The following PCNX1 variants were observed in gnomAD, a reference collection of about 807,000 sequenced individuals.
PCNX1 encodes the protein pecanex 1.
In PCNX1, 78 loss-of-function variants were observed where a neutral mutation model predicts 242.2. That is an observed-to-expected ratio of 0.32 (90% CI 0.27 to 0.39). PCNX1 has a LOEUF of 0.39. PCNX1 is among the 10% of genes least tolerant of loss of function. The probability of loss-of-function intolerance (pLI) is 1.00; values close to 1 mark genes in which losing one functional copy is unlikely to be tolerated. For synonymous variants in PCNX1, 1,024 were observed against 1,032.9 expected, an observed-to-expected ratio of 0.99 and a Z score of 0.17; for missense variants, 2,581 against 2,856.5, an observed-to-expected ratio of 0.90 and a Z score of 2.20.
At chr14:71,048,026 A>G (rs371756369) in intron 22 of PCNX1, 42 bp downstream of exon 22, 47 of 1,453,834 alleles carry the variant, frequency 3.2e-5, no homozygotes, top group African/African-American at 1.1e-4. Context: ...TATAAAAACT[A>G]TCTCCCTGGG....
chr14:71,011,808 G>C, intron 10 of PCNX1: 1 of 389,156 alleles, frequency 2.6e-6, no homozygotes. Context: ...TCAATGCTTA[G>C]AGATAGAAAT....
intron 3 of PCNX1, among the ~76,000 whole-genome samples, chr14:70,964,152 C>T (rs1340581147): frequency 6.6e-6 from 1 of 152,128 alleles, no homozygotes; most frequent in African/African-American, 2.4e-5. Context: ...CTGCAACCTC[C>T]ATCTCACAGG....
intron 1 of PCNX1, among the ~76,000 whole-genome samples, chr14:70,914,002 C>T (rs1181105967): frequency 6.6e-6 from 1 of 152,074 alleles, no homozygotes; most frequent in Non-Finnish European, 1.5e-5. Context: ...TAATTATTTC[C>T]ATAACTGGTC....
chr14:70,978,475 T>A lies in PCNX1; in HGVS notation c.2138T>A (p.Ile713Lys). 6.2e-7 allele frequency: 1 copy of A among 1,614,154 alleles called. No homozygotes were observed. The highest frequency in any genetic ancestry group is 1.7e-5 in the Admixed American group (1 of 60,024). ...DSNRLMAPES[I>K]KPLTTSKSDL... ...AACAGGTTAATGGCACCTGAAAGTA[T>A]AAAGCCCTTAACCACTTCAAAATCA... Residue 713 changes from isoleucine (I) to lysine (K), a missense_variant, in exon 6 of 36, where the codon ATA becomes AAA. This residue lies in a region of PCNX1 where 1,204 missense variants were observed against 1,216.7 expected (regional missense o/e 0.99). Transcript: ENST00000304743.
At chr14:71,052,041 A>ATT in intron 24 of PCNX1, 29 bp downstream of exon 24, 1 of 1,560,462 alleles carries the variant, frequency 6.4e-7, no homozygotes. Flanking sequence ...TTGAAAAACA[A>ATT]TTTTTATCTT....
intron 2 of PCNX1, among the ~76,000 whole-genome samples, chr14:70,957,476 C>T (rs561874957): frequency 2.3e-4 from 35 of 152,062 alleles, no homozygotes; most frequent in Non-Finnish European, 4.6e-4. Flanking sequence ...CATGCTACGA[C>T]GTGGATGAAC....
chr14:71,062,285 A>T (rs1404560543), intron 26 of PCNX1, among the ~76,000 whole-genome samples: 2 of 152,110 alleles, frequency 1.3e-5, no homozygotes, highest in African/African-American at 4.8e-5. Context: ...CCAGTGGGAT[A>T]AGATGTGTAG....
rs2056911351 is a variant in PCNX1 at position 70,934,193 on chromosome 14, G to A, written c.154-12722G>A. Among the ~76,000 whole-genome samples, 3 of 152,162 alleles carry A rather than the reference G, an allele frequency of 2.0e-5. No homozygotes were observed. The South Asian group carries it at 6.2e-4, about 32-fold the overall frequency. ...AGCGGCGTTTTCAAGAGTCCTATTAGAAATGTATTTGGCATCTTGAATAGC... is the reference window on the plus strand; with the variant it reads ...AGCGGCGTTTTCAAGAGTCCTATTAAAAATGTATTTGGCATCTTGAATAGC... On this transcript the variant is annotated intron_variant, in intron 1 of 35. Transcript: ENST00000304743.
In PCNX1 at chr14:71,103,480, G is replaced by A; in HGVS notation, c.5906G>A (p.Ser1969Asn). 1 of 1,614,154 alleles carries A rather than the reference G, an allele frequency of 6.2e-7. No individual in the cohort carries two copies. The highest frequency in any genetic ancestry group is 8.5e-7 in the Non-Finnish European group (1 of 1,180,014). Residue 1969 changes from serine to asparagine, a missense_variant, in exon 32 of 36, where the codon AGC becomes AAC. Ser to Asn is a conservative substitution (Grantham distance 46). Transcript: ENST00000304743. ...FLRNRNPERGSIQNAKQALRN... is the reference protein window; with the variant it reads ...FLRNRNPERGNIQNAKQALRN... ...CGTAACCGTAACCCAGAGAGAGGTA[G>A]CATCCAAAATGCAAAGCAAGCCCTG...
intron 16 of PCNX1, chr14:71,031,874 C>T (rs912410424): frequency 1.2e-5 from 18 of 1,454,068 alleles, no homozygotes; most frequent in Middle Eastern, 1.7e-4. Flanking sequence ...AGCACTTTCA[C>T]AGCACGAGCA....
intron 28 of PCNX1, among the ~76,000 whole-genome samples, chr14:71,085,329 T>C (rs1375957680): frequency 6.6e-6 from 1 of 152,256 alleles, no homozygotes; most frequent in Non-Finnish European, 1.5e-5. Flanking sequence ...TTGAAGTTCA[T>C]TGAGATTCTT....
At chr14:71,001,837 A>G (rs1471719931) in intron 8 of PCNX1, among the ~76,000 whole-genome samples, 34 of 152,214 alleles carry the variant, frequency 2.2e-4, no homozygotes, top group Admixed American at 2.2e-3. Context: ...GTCATGATGG[A>G]TGAATGATGT....
rs761218022 is a variant in PCNX1, at chr14:71,057,692, T to C, written c.4820T>C (p.Val1607Ala). 6.2e-7 allele frequency: 1 copy of C among 1,613,820 alleles called. No homozygotes were observed. Among genetic ancestry groups the C allele is most frequent in the South Asian group, 1.1e-5 (1 of 91,042 alleles). Residue 1607 changes from valine to alanine, a missense_variant, in exon 26 of 36, where the codon GTC (valine) becomes GCC (alanine). Physicochemically the swap from Val to Ala is moderately conservative, Grantham distance 64. Around this residue, in one of 9 missense-constraint regions of PCNX1, gnomAD observed 54 missense variants for 45.3 expected, o/e 1.19. Coordinates refer to ENST00000304743, the MANE Select transcript of PCNX1 (RefSeq NM_014982.3). ...VHLIEIGNGL[V>A]TFQLRGLEFR... is the part of the protein sequence containing the mutation. ...CTTATAGAGATAGGCAATGGTCTGG[T>C]CACTTTTCAGCTGCGGGGACTTGAA...
At chr14:71,019,185 T>A (rs747478088) in intron 12 of PCNX1, 23 bp downstream of exon 12, 2 of 1,568,844 alleles carry the variant, frequency 1.3e-6, no homozygotes, top group Non-Finnish European at 8.7e-7. Context: ...CTTCTTTTCA[T>A]GCTACGGAAT....
chr14:71,108,719 G>T lies in PCNX1; in HGVS notation c.6417G>T (p.Arg2139=). The change falls in exon 34 of 36, where the codon CGG becomes CGT. Residue 2139 remains arginine (R), a synonymous_variant. Transcript: ENST00000304743. ...YCYSSRHSSL[R]MSTTGFVPCR... is the part of the protein sequence containing the mutation. ...ATAGCAGCCGGCATTCATCCCTCCG[G>T]ATGTCCACCACTGGGTTTGTGCCTT... 1 of 1,614,212 alleles carries T rather than the reference G, an allele frequency of 6.2e-7. No homozygotes were observed. The highest frequency in any genetic ancestry group is 8.5e-7 in the Non-Finnish European group (1 of 1,180,034).
At chr14:70,909,275 A>C (rs563308994) in intron 1 of PCNX1, among the ~76,000 whole-genome samples, 2 of 152,130 alleles carry the variant, frequency 1.3e-5, no homozygotes, top group East Asian at 3.9e-4. Context: ...GGTTAAAAAA[A>C]AAAGCCATTA....
intron 1 of PCNX1, 97 bp downstream of exon 1, chr14:70,908,100 C>T: frequency 1.7e-6 from 2 of 1,206,694 alleles, no homozygotes; most frequent in South Asian, 1.8e-5. Context: ...GGTCTCGTCC[C>T]CCGGGGGCCG....
Position 70,917,806 on chromosome 14 carries a change from T to C in PCNX1, c.153+9803T>C, listed in dbSNP as rs372904660. On this transcript the variant is annotated intron_variant, in intron 1 of 35. Transcript: ENST00000304743. ...AGCCAGATATTGACTTAACCTTCTC[T>C]GGCTATGAAAGGCCTAGATGGCATA... Among the ~76,000 whole-genome samples the C allele has an allele frequency of 2.0e-5, 3 of 152,244 alleles. No individual in the cohort carries two copies. The East Asian group carries it at 5.8e-4, about 29-fold the overall frequency.
chr14:70,909,961 G>A (rs2055750421), intron 1 of PCNX1, among the ~76,000 whole-genome samples: 1 of 149,616 alleles, frequency 6.7e-6, no homozygotes, highest in Non-Finnish European at 1.5e-5. Flanking sequence ...TGGTTTTAGA[G>A]TTCTCAGCCA....
Sources: gnomAD v4.1 joint callset for allele counts (sites outside exome capture counted in the v4.1 genomes callset) on GRCh38, gnomAD v4.1.1 for gene constraint, gnomAD v4.1.1 regional missense constraint, MANE v1.5 for transcripts, NCBI Gene and HGNC (gene_info 2026-07-23, HGNC 2026-07-21) for gene names.